The following TPRG1 variants were observed in gnomAD, a reference collection of about 807,000 sequenced individuals.
TPRG1 encodes the protein tumor protein p63-regulated gene 1 protein.
Under a neutral mutation model 29.3 loss-of-function variants are expected in TPRG1, and 29 were observed. The observed-to-expected ratio is 0.99, with a 90% CI of 0.74 to 1.35. The LOEUF (loss-of-function observed/expected upper bound fraction) is 1.35, where lower values mean the gene tolerates loss of function less well. TPRG1 is among the 40% of genes most tolerant of loss of function. The pLI, the probability that TPRG1 is intolerant of heterozygous loss-of-function variation, is 0.00. For missense variants in TPRG1, 327 were observed against 335.0 expected (o/e 0.98, Z 0.19); for synonymous variants, 130 against 116.8 (o/e 1.11, Z -0.73).
upstream of TPRG1, among the ~76,000 whole-genome samples, chr3:189,169,943 G>A (rs554938773): frequency 6.6e-6 from 1 of 152,348 alleles, no homozygotes; most frequent in South Asian, 2.1e-4. Flanking sequence ...ACTGCAGGCT[G>A]CAGTATGGCG....
rs1408834356 is a variant in TPRG1, at chr3:189,112,615, C to A, written c.-744+12411C>A. Among the ~76,000 whole-genome samples the A allele has an allele frequency of 2.6e-5, 4 of 152,140 alleles. No homozygotes were observed. In the East Asian group the frequency reaches 7.7e-4, roughly 29 times the overall value. On this transcript the variant is annotated intron_variant, in intron 1 of 6. Coordinates refer to the TPRG1 transcript ENST00000412373. ...ATGTGGCTAGCCAGTTTTCCCAGCA[C>A]CATTTATTAAATAGGGAATCCTTTC...
At chr3:189,219,640 G>A in intron 3 of TPRG1, 1 of 1,288,808 alleles carries the variant, frequency 7.8e-7, no homozygotes, top group Non-Finnish European at 1.0e-6. Context: ...ATGATATGAT[G>A]GCAATAAAGT....
intron 1 of TPRG1, among the ~76,000 whole-genome samples, chr3:189,105,304 G>A (rs1719686189): frequency 6.6e-6 from 1 of 152,088 alleles, no homozygotes; most frequent in Non-Finnish European, 1.5e-5. Context: ...TGTTGGTCCT[G>A]AAAAGCACCT....
chr3:189,186,147 T>A (rs1578718430), intron 1 of TPRG1, among the ~76,000 whole-genome samples: 1 of 152,352 alleles, frequency 6.6e-6, no homozygotes, highest in East Asian at 1.9e-4. Context: ...CTTTGTTCTA[T>A]GTGAGATAAA....
intron 4 of TPRG1, among the ~76,000 whole-genome samples, chr3:189,067,938 C>G (rs999462419): frequency 1.3e-5 from 2 of 152,062 alleles, no homozygotes. Flanking sequence ...GGATTACTAT[C>G]CAGAATATAA....
intron 3 of TPRG1, among the ~76,000 whole-genome samples, chr3:189,140,679 C>T (rs972875952): frequency 5.9e-5 from 9 of 152,184 alleles, no homozygotes; most frequent in African/African-American, 2.2e-4. Context: ...ATCTTACCTG[C>T]ACCTTGAGCC....
intron 4 of TPRG1, among the ~76,000 whole-genome samples, chr3:189,054,996 A>G (rs1715571458): frequency 6.6e-6 from 1 of 152,204 alleles, no homozygotes; most frequent in African/African-American, 2.4e-5. Context: ...AAAGTGCAAT[A>G]AAGTGGAGTG....
chr3:189,316,660 C>A (rs1289761846), intron 5 of TPRG1, among the ~76,000 whole-genome samples: 3 of 152,184 alleles, frequency 2.0e-5, no homozygotes, highest in South Asian at 2.1e-4. Flanking sequence ...GATGTCCCCC[C>A]TGTCCCCACC....
intron 1 of TPRG1, among the ~76,000 whole-genome samples, chr3:189,118,969 C>A (rs376209487): frequency 1.1e-4 from 16 of 152,314 alleles, no homozygotes; most frequent in African/African-American, 3.8e-4. Flanking sequence ...CACCATCCTG[C>A]AGACCCCAGA....
intron 2 of TPRG1, among the ~76,000 whole-genome samples, chr3:189,001,262 A>G (rs1712004583): frequency 1.3e-5 from 2 of 152,202 alleles, no homozygotes; most frequent in Non-Finnish European, 2.9e-5. Context: ...TCACAACAAT[A>G]AAACAACAAC....
intron 4 of TPRG1, among the ~76,000 whole-genome samples, chr3:189,055,699 C>T (rs1288032865): frequency 6.6e-6 from 1 of 152,132 alleles, no homozygotes; most frequent in East Asian, 1.9e-4. Flanking sequence ...AAAGAGATGG[C>T]AGGTGCTAGT....
At chr3:189,145,285 C>T (rs1725101742) in intron 3 of TPRG1, among the ~76,000 whole-genome samples, 1 of 147,514 alleles carries the variant, frequency 6.8e-6, no homozygotes, top group Non-Finnish European at 1.5e-5. Context: ...TCATTTGAAC[C>T]CAGGAGGTGG....
At chr3:189,048,968 G>A (rs1715140667) in intron 4 of TPRG1, among the ~76,000 whole-genome samples, 1 of 152,188 alleles carries the variant, frequency 6.6e-6, no homozygotes, top group Non-Finnish European at 1.5e-5. Flanking sequence ...GGGTAGAGGA[G>A]CAGCAGAAAG....
chr3:189,190,976 G>T, intron 1 of TPRG1: 1 of 985,376 alleles, frequency 1.0e-6, no homozygotes, highest in Non-Finnish European at 1.2e-6. Flanking sequence ...AAGGAAATGC[G>T]AATATCACAG....
intron 1 of TPRG1, among the ~76,000 whole-genome samples, chr3:189,102,551 T>C (rs1719328931): frequency 6.6e-6 from 1 of 152,202 alleles, no homozygotes; most frequent in Non-Finnish European, 1.5e-5. Context: ...ATTGACTCTA[T>C]TGCCTAAATT....
intron 3 of TPRG1, among the ~76,000 whole-genome samples, chr3:189,138,919 T>C (rs1327442028): frequency 6.6e-6 from 1 of 152,116 alleles, no homozygotes; most frequent in Admixed American, 6.5e-5. Context: ...GCCACACTCC[T>C]TGGGGAAAAG....
Position 189,322,843 on chromosome 3 carries a change from C to G in TPRG1, c.*2023C>G, listed in dbSNP as rs1724433957. The G allele has an allele frequency of 6.6e-6, 1 of 152,076 alleles. No homozygotes were observed. The highest frequency in any genetic ancestry group is 1.5e-5 in the Non-Finnish European group (1 of 68,006). 9.4% of individuals were successfully genotyped at this position (152,076 alleles called of 1,614,324 possible). On this transcript the variant is annotated 3_prime_UTR_variant, in exon 6 of 6. Transcript: ENST00000345063. ...GACAGGAGGGAGATGTTTCTTAGTT[C>G]TGAGAGCCAGTCTGTAACAATGGGA... is the stretch of plus-strand genomic sequence containing the variant.
chr3:189,177,024 A>T (rs904972400), intron 1 of TPRG1, among the ~76,000 whole-genome samples: 2 of 152,134 alleles, frequency 1.3e-5, no homozygotes, highest in African/African-American at 4.8e-5. Flanking sequence ...GTGGGGAGAG[A>T]GGTGGCAGAA....
chr3:189,057,857 CACACATACGTATGTGTGTATATATATAT>C (rs1715831250), intron 4 of TPRG1, among the ~76,000 whole-genome samples: 2 of 106,886 alleles, frequency 1.9e-5, no homozygotes, highest in African/African-American at 1.2e-4. Flanking sequence ...TATATATATA[CACACATACGTATGTGTGTATATATATAT>C]ACGTATACAC....
Sources: allele counts gnomAD v4.1 joint callset (sites outside exome capture counted in the v4.1 genomes callset), GRCh38; gene constraint gnomAD v4.1.1; transcripts MANE v1.5; gene names NCBI Gene and HGNC (gene_info 2026-07-23, HGNC 2026-07-21).